The following GATAD2A variants were observed in gnomAD, a reference collection of about 807,000 sequenced individuals.
GATAD2A encodes transcriptional repressor p66-alpha.
Under a neutral mutation model 68.5 loss-of-function variants are expected in GATAD2A, and 12 were observed. The ratio of observed to expected loss-of-function variants is 0.18; its 90% CI spans 0.11 to 0.28. GATAD2A has a LOEUF of 0.28. GATAD2A is among the 10% of genes least tolerant of loss of function. GATAD2A has a pLI of 1.00. For missense variants in GATAD2A, 755 were observed against 868.5 expected, an observed-to-expected ratio of 0.87 and a Z score of 1.64; for synonymous variants, 410 against 375.3, an observed-to-expected ratio of 1.09 and a Z score of -1.07.
chr19:19,482,790 G>A (rs1158177848), intron 2 of GATAD2A, among the ~76,000 whole-genome samples: 2 of 152,196 alleles, frequency 1.3e-5, no homozygotes, highest in Non-Finnish European at 2.9e-5. Flanking sequence ...TCTAATGCAT[G>A]TGTCTTCCTG....
At chr19:19,408,436 G>A (rs1021935440) in intron 1 of GATAD2A, among the ~76,000 whole-genome samples, 1 of 152,110 alleles carries the variant, frequency 6.6e-6, no homozygotes, top group Non-Finnish European at 1.5e-5. Flanking sequence ...AATCCTGGAA[G>A]GATTTGTACC....
At chr19:19,503,848 G>C (rs961872290) in intron 11 of GATAD2A, among the ~76,000 whole-genome samples, 2 of 152,116 alleles carry the variant, frequency 1.3e-5, no homozygotes, top group African/African-American at 4.8e-5. Context: ...TTGCACACAG[G>C]GTTGGTTCCT....
upstream of GATAD2A, among the ~76,000 whole-genome samples, chr19:19,401,649 C>T (rs1274035779): frequency 6.6e-6 from 1 of 151,788 alleles, no homozygotes; most frequent in African/African-American, 2.4e-5. Context: ...GGAGTGGTCT[C>T]TCAGTTGTCG....
intron 1 of GATAD2A, among the ~76,000 whole-genome samples, chr19:19,414,424 C>G (rs954646819): frequency 1.3e-5 from 2 of 151,422 alleles, no homozygotes; most frequent in African/African-American, 4.9e-5. Context: ...TTTCAGATCT[C>G]TGTTGTTCTT....
intron 1 of GATAD2A, among the ~76,000 whole-genome samples, chr19:19,428,710 G>T (rs942089841): frequency 2.0e-5 from 3 of 152,162 alleles, no homozygotes; most frequent in African/African-American, 7.2e-5. Context: ...CTGTGAATGG[G>T]GTTTTAGGGT....
chr19:19,488,589 T>A (rs1296142644), intron 2 of GATAD2A, among the ~76,000 whole-genome samples: 3 of 152,208 alleles, frequency 2.0e-5, no homozygotes, highest in Non-Finnish European at 4.4e-5. Context: ...CGTGTCTCAA[T>A]TTAAGTTTAT....
chr19:19,419,879 C>T (rs575181336), intron 1 of GATAD2A, among the ~76,000 whole-genome samples: 49 of 152,086 alleles, frequency 3.2e-4, no homozygotes, highest in African/African-American at 8.9e-4. Context: ...GTCCTAGGAC[C>T]GTCTCAATCA....
chr19:19,414,096 G>C (rs2051287320), intron 1 of GATAD2A, among the ~76,000 whole-genome samples: 1 of 152,128 alleles, frequency 6.6e-6, no homozygotes, highest in South Asian at 2.1e-4. Context: ...TTGGTGGTAG[G>C]AGTTGCCTGG....
At chr19:19,394,302 G>A (rs145086824) in intron 1 of GATAD2A, among the ~76,000 whole-genome samples, 2,566 of 152,270 alleles carry the variant, frequency 0.017, 36 homozygotes, top group Non-Finnish European at 0.028. Flanking sequence ...TTCCCTTGTT[G>A]AAATCTTAAA....
chr19:19,440,389 G>C (rs1408315155), intron 1 of GATAD2A: 1 of 200,950 alleles, frequency 5.0e-6, no homozygotes, highest in Non-Finnish European at 1.0e-5. Flanking sequence ...TTCTGCCTCA[G>C]CCTCCCGAGT....
In GATAD2A at chr19:19,412,043, C is replaced by T. The variant is rs77688779; in HGVS notation, c.-7+6024C>T. Among the ~76,000 whole-genome samples, 1,303 of 151,530 alleles carry T rather than the reference C, an allele frequency of 8.6e-3. 52 individuals are homozygous for T. The East Asian group carries it at 0.096, about 11-fold the overall frequency. ...TGTTTGAGCCCAGTAGTTCGAGACC[C>T]GCCTGGGCAATGTAGCAATCCCCCA... On this transcript the variant is annotated intron_variant, in intron 1 of 11. Coordinates refer to ENST00000683918, the MANE Select transcript of GATAD2A (RefSeq NM_001384528.1).
intron 7 of GATAD2A, among the ~76,000 whole-genome samples, chr19:19,497,518 A>T (rs1163287282): frequency 6.6e-6 from 1 of 151,896 alleles, no homozygotes; most frequent in Non-Finnish European, 1.5e-5. Context: ...GAGGGGAAGG[A>T]GGAGGGGAAC....
At chr19:19,484,659 G>A (rs528913014) in intron 2 of GATAD2A, among the ~76,000 whole-genome samples, 2 of 147,626 alleles carry the variant, frequency 1.4e-5, no homozygotes, top group Non-Finnish European at 1.5e-5. Flanking sequence ...TCAGCCTCCC[G>A]AGTAGCTGGG....
chr19:19,401,662 C>T (rs190777326), upstream of GATAD2A, among the ~76,000 whole-genome samples: 46 of 151,932 alleles, frequency 3.0e-4, 1 homozygote, highest in African/African-American at 1.0e-3. Context: ...AGTTGTCGAT[C>T]AGTGTTTATC....
At chr19:19,448,633 C>T (rs746575326) in intron 1 of GATAD2A, among the ~76,000 whole-genome samples, 8 of 152,268 alleles carry the variant, frequency 5.3e-5, no homozygotes, top group African/African-American at 1.7e-4. Flanking sequence ...GGATTACAGG[C>T]GCCCACCACC....
At chr19:19,482,057 T>C (rs2059099902) in intron 2 of GATAD2A, among the ~76,000 whole-genome samples, 1 of 151,776 alleles carries the variant, frequency 6.6e-6, no homozygotes, top group Non-Finnish European at 1.5e-5. Context: ...TAGTGAGCTG[T>C]GATTGTACCA....
chr19:19,455,287 C>T (rs371757052), intron 1 of GATAD2A, among the ~76,000 whole-genome samples: 52 of 151,512 alleles, frequency 3.4e-4, no homozygotes, highest in Admixed American at 1.1e-3. Flanking sequence ...TTCAGGAGTT[C>T]GAGACCAGCC....
chr19:19,465,545 CGGCCAT>C lies in GATAD2A; in HGVS notation c.209_214del (p.Ala70_Met71del). 6.2e-7 allele frequency: 1 copy of C among 1,612,474 alleles called. No homozygotes were observed. Among genetic ancestry groups the C allele is most frequent in the Non-Finnish European group, 8.5e-7 (1 of 1,178,512 alleles). On this transcript the variant is annotated inframe_deletion, in exon 2 of 12. Coordinates refer to ENST00000683918, the MANE Select transcript of GATAD2A (RefSeq NM_001384528.1). ...GGATTGCTGAGGGCAACAGAGGCCA[CGGCCAT>C]GGCCATGGGCAGAGGCGAAGGGCTG...
chr19:19,415,415 A>G (rs2147177357), intron 1 of GATAD2A, among the ~76,000 whole-genome samples: 1 of 151,120 alleles, frequency 6.6e-6, no homozygotes, highest in South Asian at 2.1e-4. Context: ...TTGGCCTCCC[A>G]AAGCCCTGGG....
Sources: allele counts gnomAD v4.1 joint callset (sites outside exome capture counted in the v4.1 genomes callset), GRCh38; gene constraint gnomAD v4.1.1; transcripts MANE v1.5; gene names NCBI Gene and HGNC (gene_info 2026-07-23, HGNC 2026-07-21).